The following TBL1XR1 variants were observed in gnomAD, a reference collection of about 807,000 sequenced individuals.
The protein encoded by TBL1XR1 is TBL1X/Y related 1.
A neutral mutation model predicts 66.9 loss-of-function variants in TBL1XR1; 5 were observed. The observed-to-expected ratio is 0.07, with a 90% CI of 0.04 to 0.16. The LOEUF (loss-of-function observed/expected upper bound fraction) is 0.16, where lower values mean the gene tolerates loss of function less well. TBL1XR1 is among the 10% of genes least tolerant of loss of function. TBL1XR1 has a pLI of 1.00. For missense variants in TBL1XR1, 238 were observed against 623.2 expected (o/e 0.38, Z 6.58); for synonymous variants, 210 against 206.0 (o/e 1.02, Z -0.17).
intron 2 of TBL1XR1, among the ~76,000 whole-genome samples, chr3:177,088,763 A>AC (rs956258572): frequency 7.2e-5 from 11 of 152,220 alleles, no homozygotes; most frequent in African/African-American, 2.4e-4. Context: ...GTTCAATGTA[A>AC]CCCTCTTACT....
chr3:177,130,707 T>TA (rs980630625), intron 1 of TBL1XR1, among the ~76,000 whole-genome samples: 2 of 152,190 alleles, frequency 1.3e-5, no homozygotes, highest in Middle Eastern at 3.4e-3. Context: ...GTTAACAAGT[T>TA]AAAAAAATAA....
intron 1 of TBL1XR1, among the ~76,000 whole-genome samples, chr3:177,186,752 T>A (rs929761830): frequency 6.6e-6 from 1 of 152,028 alleles, no homozygotes; most frequent in Non-Finnish European, 1.5e-5. Context: ...TTAAATACTC[T>A]AAAAAAAATT....
rs774246831 is a variant in TBL1XR1, at chr3:177,046,116, A to G, written c.925+13T>C. The G allele has an allele frequency of 1.1e-5, 17 of 1,527,170 alleles. No individual in the cohort carries two copies. Among genetic ancestry groups the G allele is most frequent in the Admixed American group, 6.7e-5 (3 of 44,550 alleles). The allele number at this position is 1,527,170 out of a possible 1,614,324, so 94.6% of individuals were successfully genotyped here. ...GCAAGCTCCAGCTTTCACGTAAATT[A>G]TAAGAAATTTACCTGAATGAAAAGG... is the stretch of plus-strand genomic sequence containing the variant. On this transcript the variant is annotated intron_variant, in intron 10 of 15. Coordinates refer to ENST00000457928, the MANE Select transcript of TBL1XR1 (RefSeq NM_024665.7).
At chr3:177,173,668 C>T (rs1577383995) in intron 1 of TBL1XR1, among the ~76,000 whole-genome samples, 1 of 151,860 alleles carries the variant, frequency 6.6e-6, no homozygotes, top group East Asian at 1.9e-4. Flanking sequence ...GCTATTGGAA[C>T]AGAAAAAAAG....
intron 14 of TBL1XR1, among the ~76,000 whole-genome samples, chr3:177,030,337 T>C (rs1321415210): frequency 6.6e-6 from 1 of 151,896 alleles, no homozygotes; most frequent in Non-Finnish European, 1.5e-5. Context: ...TGCTCTGGAA[T>C]AGTCTAAATA....
At chr3:177,191,813 TAA>T (rs1736175210) in intron 1 of TBL1XR1, among the ~76,000 whole-genome samples, 1 of 152,126 alleles carries the variant, frequency 6.6e-6, no homozygotes, top group Non-Finnish European at 1.5e-5. Context: ...CCTTTGTATT[TAA>T]AGAGTTTGCC....
chr3:177,196,842 G>T (rs1406941653), intron 1 of TBL1XR1, among the ~76,000 whole-genome samples: 1 of 151,834 alleles, frequency 6.6e-6, no homozygotes, highest in African/African-American at 2.4e-5. Context: ...ATTAGGGTGA[G>T]GATCCCCCGA....
chr3:177,038,511 TTGAC>T (rs1715124914), intron 10 of TBL1XR1, 77 bp from the exon 11 acceptor site: 2 of 1,358,256 alleles, frequency 1.5e-6, no homozygotes, highest in Non-Finnish European at 9.6e-7. Flanking sequence ...TGAACCATTG[TTGAC>T]TAATAAAATA....
intron 1 of TBL1XR1, among the ~76,000 whole-genome samples, chr3:177,118,067 A>C (rs1182841533): frequency 6.6e-6 from 1 of 152,196 alleles, no homozygotes; most frequent in African/African-American, 2.4e-5. Flanking sequence ...TTCTTTCTTT[A>C]CCTCACCTAC....
chr3:177,062,707 C>T (rs1718671237), intron 3 of TBL1XR1, among the ~76,000 whole-genome samples: 1 of 152,122 alleles, frequency 6.6e-6, no homozygotes, highest in African/African-American at 2.4e-5. Flanking sequence ...TAAGAACATA[C>T]TAAACAATTA....
intron 1 of TBL1XR1, 129 bp from the exon 2 acceptor site, chr3:177,098,670 A>T (rs1026739392): frequency 1.2e-5 from 4 of 342,986 alleles, no homozygotes; most frequent in Non-Finnish European, 1.6e-5. Context: ...TTTCTCCCCC[A>T]AGTAATTGTT....
intron 10 of TBL1XR1, among the ~76,000 whole-genome samples, chr3:177,040,597 A>T (rs1001308259): frequency 6.6e-6 from 1 of 152,202 alleles, no homozygotes; most frequent in African/African-American, 2.4e-5. Flanking sequence ...TAAAGCATTT[A>T]GGACTCAGAA....
At chr3:177,138,604 A>AT (rs1729268213) in intron 1 of TBL1XR1, among the ~76,000 whole-genome samples, 1 of 129,218 alleles carries the variant, frequency 7.7e-6, no homozygotes, top group Non-Finnish European at 1.8e-5. Flanking sequence ...AGAAAAAAAA[A>AT]GGGAGAGGGG....
At chr3:177,098,622 G>T in intron 1 of TBL1XR1, 81 bp from the exon 2 acceptor site, 2 of 733,268 alleles carry the variant, frequency 2.7e-6, no homozygotes, top group African/African-American at 1.9e-5. Flanking sequence ...AATGTTACAT[G>T]TTTGAAATAT....
intron 1 of TBL1XR1, chr3:177,136,332 G>A (rs1560215566): frequency 6.6e-6 from 1 of 151,978 alleles, no homozygotes; most frequent in African/African-American, 2.4e-5. Context: ...GAGTGCAAAA[G>A]TACGGATCTC....
chr3:177,135,334 TATAC>T (rs1343347814), intron 1 of TBL1XR1, among the ~76,000 whole-genome samples: 4 of 49,938 alleles, frequency 8.0e-5, no homozygotes, highest in Non-Finnish European at 8.0e-5. Context: ...TGTGTGTGTG[TATAC>T]ATATATATAT....
At chr3:177,119,393 CTT>C (rs1726712157) in intron 1 of TBL1XR1, among the ~76,000 whole-genome samples, 1 of 152,112 alleles carries the variant, frequency 6.6e-6, no homozygotes, top group Admixed American at 6.6e-5. Flanking sequence ...GGTCCCATCT[CTT>C]TTATTTTTCC....
chr3:177,109,935 A>G (rs945787811), intron 1 of TBL1XR1, among the ~76,000 whole-genome samples: 3 of 152,200 alleles, frequency 2.0e-5, no homozygotes, highest in Non-Finnish European at 2.9e-5. Flanking sequence ...GACGTGCCTT[A>G]TATCTTGGTG....
At chr3:177,191,792 T>C (rs1456082948) in intron 1 of TBL1XR1, among the ~76,000 whole-genome samples, 1 of 152,172 alleles carries the variant, frequency 6.6e-6, no homozygotes, top group Non-Finnish European at 1.5e-5. Context: ...ACCCAAACCT[T>C]GAAAGAGTTC....
Sources: gnomAD v4.1 joint callset for allele counts (sites outside exome capture counted in the v4.1 genomes callset) on GRCh38, gnomAD v4.1.1 for gene constraint, MANE v1.5 for transcripts, NCBI Gene and HGNC (gene_info 2026-07-23, HGNC 2026-07-21) for gene names.